Variants in SOAT1 observed in about 807,000 individuals in gnomAD.
SOAT1 encodes the protein sterol O-acyltransferase 1.
In SOAT1, 55 loss-of-function variants were observed where a neutral mutation model predicts 69.5. The ratio of observed to expected loss-of-function variants is 0.79; its 90% CI spans 0.64 to 0.99. The LOEUF (loss-of-function observed/expected upper bound fraction) is 0.99. Ranked by LOEUF, SOAT1 falls within the 50% of genes least tolerant of loss-of-function variation. SOAT1 has a pLI of 0.00. For synonymous variants in SOAT1, 231 were observed against 224.7 expected, an observed-to-expected ratio of 1.03 and a Z score of -0.25; for missense variants, 580 against 669.3, an observed-to-expected ratio of 0.87 and a Z score of 1.47.
intron 11 of SOAT1, among the ~76,000 whole-genome samples, chr1:179,347,004 G>A (rs1666554313): frequency 6.6e-6 from 1 of 152,038 alleles, no homozygotes; most frequent in South Asian, 2.1e-4. Flanking sequence ...GGGTATGGGG[G>A]CCAGATTTTT....
chr1:179,302,132 A>G (rs921510909), intron 1 of SOAT1, among the ~76,000 whole-genome samples: 1 of 152,002 alleles, frequency 6.6e-6, no homozygotes, highest in Middle Eastern at 3.4e-3. Context: ...ATTATTTTAT[A>G]GGACCTGATT....
At chr1:179,313,552 G>GTA (rs71569240) in intron 2 of SOAT1, among the ~76,000 whole-genome samples, 32,469 of 149,964 alleles carry the variant, frequency 0.22, 3,629 homozygotes, top group African/African-American at 0.23. Flanking sequence ...GTATATATGT[G>GTA]TATATATATA....
chr1:179,302,313 T>C (rs1664857681), intron 1 of SOAT1, among the ~76,000 whole-genome samples: 1 of 152,234 alleles, frequency 6.6e-6, no homozygotes, highest in South Asian at 2.1e-4. Context: ...TTTGCTTCTG[T>C]GTCCCCACAC....
At position 179,323,440 on chromosome 1, in the gene SOAT1, G is replaced by A. The variant is rs780793669; in HGVS notation, c.122G>A (p.Arg41Gln). 5 of 1,613,484 alleles carry A rather than the reference G, an allele frequency of 3.1e-6. No individual in the cohort carries two copies. Among genetic ancestry groups the A allele is most frequent in the East Asian group, 2.2e-5 (1 of 44,838 alleles). Reference protein sequence around the residue: ...KESLETPSNGRIDIKQLIAKK... With the variant: ...KESLETPSNGQIDIKQLIAKK... The stretch of plus-strand genomic sequence containing the variant: ...TCATGTTTTTTTCTTCCCGTAGGTC[G>A]AATTGACATAAAACAGTTGATAGCA... The change falls in exon 3 of 16, where the codon CGA becomes CAA. Residue 41 changes from arginine (R) to glutamine (Q), a missense_variant. Arg to Gln is a conservative substitution (Grantham distance 43, BLOSUM62 1). Transcript: ENST00000367619.
chr1:179,328,801 T>A (rs1403562268), intron 3 of SOAT1, among the ~76,000 whole-genome samples: 1 of 152,152 alleles, frequency 6.6e-6, no homozygotes, highest in African/African-American at 2.4e-5. Context: ...CGCAGCACTT[T>A]GGGAGGCCAA....
chr1:179,310,098 C>G (rs1472262079), intron 2 of SOAT1, among the ~76,000 whole-genome samples: 1 of 151,988 alleles, frequency 6.6e-6, no homozygotes, highest in East Asian at 1.9e-4. Flanking sequence ...CAGGGTTTCA[C>G]CATATCAGCC....
At chr1:179,332,305 G>A (rs1470089662) in intron 3 of SOAT1, among the ~76,000 whole-genome samples, 3 of 152,074 alleles carry the variant, frequency 2.0e-5, no homozygotes, top group South Asian at 2.1e-4. Context: ...ATGGCTTAAA[G>A]GTCCATGATC....
At chr1:179,309,614 A>G (rs1665149697) in intron 2 of SOAT1, among the ~76,000 whole-genome samples, 1 of 144,776 alleles carries the variant, frequency 6.9e-6, no homozygotes. Context: ...TGAGGTGGGG[A>G]AATTGTTTCA....
chr1:179,294,812 C>T (rs1370802774), intron 1 of SOAT1, among the ~76,000 whole-genome samples: 2 of 152,212 alleles, frequency 1.3e-5, no homozygotes, highest in Admixed American at 6.5e-5. Flanking sequence ...GGATTACAGG[C>T]GTGAGCCACC....
Position 179,294,082 on chromosome 1 carries a change from T to G in SOAT1, c.-9+146T>G, listed in dbSNP as rs1371665648. 4 of 145,404 alleles carry G rather than the reference T, an allele frequency of 2.8e-5. No homozygotes were observed. The East Asian group carries it at 9.3e-4, about 34-fold the overall frequency. 9.0% of individuals were successfully genotyped at this position (145,404 alleles called of 1,614,324 possible). A position where few individuals can be genotyped will look rare whatever the true frequency, so the allele number is the denominator to read the frequency against. ...TGCGGAGAAGGCGAGGCTCGGCGAC[T>G]GCAGGGGAGTTGGGGAGGGGAGGGC... On this transcript the variant is annotated intron_variant, in intron 1 of 15. Coordinates refer to ENST00000367619, the MANE Select transcript of SOAT1 (RefSeq NM_003101.6).
At chr1:179,300,512 A>G (rs1340135690) in intron 1 of SOAT1, among the ~76,000 whole-genome samples, 3 of 152,092 alleles carry the variant, frequency 2.0e-5, no homozygotes, top group Non-Finnish European at 4.4e-5. Context: ...CAATTGTTTC[A>G]TTTGTTTGAT....
At chr1:179,316,008 G>A (rs1027601079) in intron 2 of SOAT1, among the ~76,000 whole-genome samples, 5 of 152,082 alleles carry the variant, frequency 3.3e-5, no homozygotes, top group African/African-American at 4.8e-5. Context: ...TTCTTAATCA[G>A]TTACCAATTT....
rs1023718056 is a variant in SOAT1 at position 179,357,214 on chromosome 1, T to A, written c.*3573T>A. ...AGGAATAAAGTGAATGTTTTGTTTGTTTGTTTGTTTTGAGACGGAGTCTCA... is the reference window on the plus strand; with the variant it reads ...AGGAATAAAGTGAATGTTTTGTTTGATTGTTTGTTTTGAGACGGAGTCTCA... On this transcript the variant is annotated 3_prime_UTR_variant, in exon 16 of 16. Transcript: ENST00000367619. 1.2e-5 allele frequency: 2 copies of A among 160,432 alleles called. No homozygotes were observed. Among genetic ancestry groups the A allele is most frequent in the African/African-American group, 4.8e-5 (2 of 41,612 alleles). The allele number at this position is 160,432 out of a possible 1,614,324, so 9.9% of individuals were successfully genotyped here.
intron 3 of SOAT1, among the ~76,000 whole-genome samples, chr1:179,326,550 CTTTTTTTTT>C (rs10568516): frequency 9.4e-6 from 1 of 106,262 alleles, no homozygotes; most frequent in African/African-American, 4.1e-5. Flanking sequence ...AATTTCTTTT[CTTTTTTTTT>C]TTTTTTTTTT....
At chr1:179,321,338 A>T (rs571591619) in intron 2 of SOAT1, among the ~76,000 whole-genome samples, 1 of 152,064 alleles carries the variant, frequency 6.6e-6, no homozygotes, top group South Asian at 2.1e-4. Context: ...TTGTATTTTT[A>T]AAAACATTTA....
rs1447858711 is a variant in SOAT1, at chr1:179,354,055, AT to A, written c.*420del. 1 of 163,790 alleles carries A rather than the reference AT, an allele frequency of 6.1e-6. No homozygotes were observed. The highest frequency in any genetic ancestry group is 2.4e-5 in the African/African-American group (1 of 41,606). The allele number at this position is 163,790 out of a possible 1,614,324, so 10.1% of individuals were successfully genotyped here. A position where few individuals can be genotyped will look rare whatever the true frequency, so the allele number is the denominator to read the frequency against. ...TCACTTAAATACCTCTGGCTTAGAA[AT>A]TTTTTCATGCACACTGTTGGAATGT... On this transcript the variant is annotated 3_prime_UTR_variant, in exon 16 of 16. Transcript: ENST00000367619.
chr1:179,337,821 T>C lies in SOAT1; in HGVS notation c.330-16T>C. The C allele has an allele frequency of 6.3e-7, 1 of 1,588,618 alleles. No homozygotes were observed. Among genetic ancestry groups the C allele is most frequent in the South Asian group, 1.1e-5 (1 of 87,996 alleles). ...TTGAAGTACTTATATCTTGTTTTAATTTTTCCTCTTCTCAGGGATTTGAGA... is the reference window on the plus strand; with the variant it reads ...TTGAAGTACTTATATCTTGTTTTAACTTTTCCTCTTCTCAGGGATTTGAGA... On this transcript the variant is annotated splice_polypyrimidine_tract_variant and intron_variant, in intron 4 of 15. Transcript: ENST00000367619.
In SOAT1 at chr1:179,323,481, A is replaced by G. The variant is rs772029317; in HGVS notation, c.163A>G (p.Thr55Ala). 6.2e-7 allele frequency: 1 copy of G among 1,613,852 alleles called. No individual in the cohort carries two copies. ...KQLIAKKIKL[T>A]AEAEELKPFF... ...GTTGATAGCAAAGAAGATAAAGTTGACAGCAGAGGCAGAGGCAAGTAACTC... is the reference window on the plus strand; with the variant it reads ...GTTGATAGCAAAGAAGATAAAGTTGGCAGCAGAGGCAGAGGCAAGTAACTC... The change falls in exon 3 of 16, where the codon ACA (threonine) becomes GCA (alanine). Residue 55 changes from threonine to alanine, a missense_variant. Thr to Ala is a moderately conservative substitution (Grantham distance 58). Coordinates refer to ENST00000367619, the MANE Select transcript of SOAT1 (RefSeq NM_003101.6).
intron 2 of SOAT1, among the ~76,000 whole-genome samples, chr1:179,310,040 C>T (rs1665167928): frequency 6.6e-6 from 1 of 152,082 alleles, no homozygotes; most frequent in Non-Finnish European, 1.5e-5. Context: ...GCTGGGATTA[C>T]AGGCATGTAC....
Sources: allele counts gnomAD v4.1 joint callset (sites outside exome capture counted in the v4.1 genomes callset), GRCh38; gene constraint gnomAD v4.1.1; transcripts MANE v1.5; gene names NCBI Gene and HGNC (gene_info 2026-07-23, HGNC 2026-07-21).